TMED3: variants seen among roughly 807,000 people sequenced by gnomAD.
TMED3 encodes transmembrane emp24 domain-containing protein 3.
TMED3 carries 9 observed loss-of-function variants against 15.0 expected under a neutral mutation model. That is an observed-to-expected ratio of 0.60 (90% confidence interval 0.36 to 1.04). The LOEUF is 1.04. TMED3 is among the 50% of genes least tolerant of loss of function. The probability of loss-of-function intolerance (pLI) is 0.01; values close to 1 mark genes in which losing one functional copy is unlikely to be tolerated. For missense variants in TMED3, 267 were observed against 278.9 expected (o/e 0.96, Z 0.30); for synonymous variants, 117 against 121.4 (o/e 0.96, Z 0.24).
chr15:79,411,560 G>A (rs886952288), exon 3 of TMED3: 52 of 697,524 alleles, frequency 7.5e-5, no homozygotes, highest in Non-Finnish European at 9.7e-5. Context: ...CAGAAGCTAC[G>A]CTGAAGTGGG....
chr15:79,368,085 A>G (rs777355929), intron 2 of TMED3, among the ~76,000 whole-genome samples: 20 of 152,172 alleles, frequency 1.3e-4, no homozygotes, highest in Non-Finnish European at 7.4e-5. Context: ...TCAGGGACGT[A>G]TGTTAGGATG....
chr15:79,346,305 C>G (rs2058871259), intron 2 of TMED3, among the ~76,000 whole-genome samples: 1 of 152,130 alleles, frequency 6.6e-6, no homozygotes, highest in Non-Finnish European at 1.5e-5. Flanking sequence ...CCACCCAAAT[C>G]TCATTTTAAA....
rs1211934970 is a variant in TMED3, at chr15:79,350,207, C to T, written c.417+36202C>T. 6.6e-5 allele frequency among the ~76,000 whole-genome samples: 10 copies of T among 152,026 alleles called. No homozygotes were observed. The South Asian group carries it at 8.3e-4, about 13-fold the overall frequency. On this transcript the variant is annotated intron_variant, in intron 2 of 2. Coordinates refer to the TMED3 transcript ENST00000424155. Reference sequence around the variant, plus strand: ...ATAGATAAATGGATGAATAGCTGGACGGTTAGATGGATTATGAATGTGTTA... The same window carrying T: ...ATAGATAAATGGATGAATAGCTGGATGGTTAGATGGATTATGAATGTGTTA...
chr15:79,400,151 G>T (rs895064795), intron 2 of TMED3, among the ~76,000 whole-genome samples: 1 of 152,190 alleles, frequency 6.6e-6, no homozygotes, highest in African/African-American at 2.4e-5. Flanking sequence ...CTTTGCATCT[G>T]CTCTTTCCTT....
At chr15:79,357,092 A>G (rs1203399078) in intron 2 of TMED3, among the ~76,000 whole-genome samples, 2 of 152,192 alleles carry the variant, frequency 1.3e-5, no homozygotes, top group Non-Finnish European at 2.9e-5. Context: ...GCATATGTTT[A>G]TATGTGTATG....
chr15:79,316,942 A>C (rs143673795), intron 2 of TMED3, among the ~76,000 whole-genome samples: 148 of 152,242 alleles, frequency 9.7e-4, no homozygotes, highest in African/African-American at 3.3e-3. Flanking sequence ...GCACTAACTG[A>C]AGATCTCAGC....
intron 2 of TMED3, among the ~76,000 whole-genome samples, chr15:79,409,535 T>G (rs1168535989): frequency 6.6e-6 from 1 of 152,210 alleles, no homozygotes; most frequent in Admixed American, 6.5e-5. Flanking sequence ...GCTGGACAAT[T>G]GTTTCCCAGT....
At chr15:79,334,102 T>G (rs1050359673) in intron 2 of TMED3, among the ~76,000 whole-genome samples, 15 of 152,192 alleles carry the variant, frequency 9.9e-5, no homozygotes, top group African/African-American at 3.6e-4. Context: ...AAACTAATTA[T>G]CTTGGGCTTC....
intron 2 of TMED3, among the ~76,000 whole-genome samples, chr15:79,367,086 C>G (rs1218099901): frequency 6.6e-6 from 1 of 152,160 alleles, no homozygotes; most frequent in Non-Finnish European, 1.5e-5. Flanking sequence ...ACCCCAGCTG[C>G]TGGGTCCTGA....
At chr15:79,314,700 G>A (rs1186658173) in intron 2 of TMED3, 1 of 373,192 alleles carries the variant, frequency 2.7e-6, no homozygotes, top group Non-Finnish European at 5.6e-6. Context: ...AGGAAGGCTG[G>A]CAAGTAGAGC....
chr15:79,346,272 T>C (rs1192501633), intron 2 of TMED3, among the ~76,000 whole-genome samples: 1 of 152,230 alleles, frequency 6.6e-6, no homozygotes, highest in Non-Finnish European at 1.5e-5. Flanking sequence ...TATAGGGTTT[T>C]GATATGGTTA....
chr15:79,314,312 C>T (rs192491272), intron 2 of TMED3, among the ~76,000 whole-genome samples: 7 of 152,196 alleles, frequency 4.6e-5, no homozygotes, highest in Admixed American at 4.6e-4. Flanking sequence ...TGTGTCTCTG[C>T]TTATATGATG....
At chr15:79,343,919 G>A (rs867627318) in intron 2 of TMED3, among the ~76,000 whole-genome samples, 3 of 152,178 alleles carry the variant, frequency 2.0e-5, no homozygotes, top group African/African-American at 2.4e-5. Flanking sequence ...GTTGGAGATC[G>A]CTATTAGAGG....
intron 2 of TMED3, among the ~76,000 whole-genome samples, chr15:79,357,174 TC>T (rs1021918191): frequency 1.2e-4 from 18 of 152,128 alleles, no homozygotes; most frequent in African/African-American, 4.1e-4. Context: ...TATGTTATAC[TC>T]TTTCATATTT....
intron 2 of TMED3, among the ~76,000 whole-genome samples, chr15:79,378,033 T>C (rs2141248188): frequency 6.6e-6 from 1 of 152,372 alleles, no homozygotes; most frequent in Non-Finnish European, 1.5e-5. Flanking sequence ...CAATACATAA[T>C]TTTAGCTTAT....
At chr15:79,400,407 A>G (rs1440360728) in intron 2 of TMED3, among the ~76,000 whole-genome samples, 1 of 152,218 alleles carries the variant, frequency 6.6e-6, no homozygotes, top group Non-Finnish European at 1.5e-5. Context: ...TATAGGCACC[A>G]TAGAGGCAGG....
intron 2 of TMED3, chr15:79,382,968 G>A: frequency 6.5e-7 from 1 of 1,535,358 alleles, no homozygotes; most frequent in Middle Eastern, 1.7e-4. Flanking sequence ...CTTTTCCAAG[G>A]GTCCCAGTGC....
chr15:79,411,061 C>G (rs1893972112), intron 2 of TMED3, among the ~76,000 whole-genome samples: 1 of 152,160 alleles, frequency 6.6e-6, no homozygotes, highest in Admixed American at 6.5e-5. Context: ...AATTCCAGAA[C>G]TGATCATTTT....
chr15:79,325,119 G>T (rs2058782664), downstream of TMED3, among the ~76,000 whole-genome samples: 1 of 152,180 alleles, frequency 6.6e-6, no homozygotes, highest in South Asian at 2.1e-4. Flanking sequence ...AAAAGACATA[G>T]GACCTCTGAC....
Sources: allele counts gnomAD v4.1 joint callset (sites outside exome capture counted in the v4.1 genomes callset), GRCh38; gene constraint gnomAD v4.1.1; transcripts MANE v1.5; gene names NCBI Gene and HGNC (gene_info 2026-07-23, HGNC 2026-07-21).